Variants in NR6A1 observed in about 807,000 individuals in gnomAD.
NR6A1 encodes the protein retinoic acid receptor-related testis-associated receptor.
A neutral mutation model predicts 59.1 loss-of-function variants in NR6A1; 7 were observed. The ratio of observed to expected loss-of-function variants is 0.12; its 90% CI spans 0.07 to 0.22. The LOEUF (loss-of-function observed/expected upper bound fraction) is 0.22. Ranked by LOEUF, NR6A1 falls within the 10% of genes least tolerant of loss-of-function variation. The pLI, the probability that NR6A1 is intolerant of heterozygous loss-of-function variation, is 1.00. For synonymous variants in NR6A1, 243 were observed against 236.1 expected (o/e 1.03, Z -0.27); for missense variants, 468 against 611.6 (o/e 0.77, Z 2.48).
chr9:124,614,088 A>G (rs1835827625), intron 2 of NR6A1, among the ~76,000 whole-genome samples: 1 of 152,172 alleles, frequency 6.6e-6, no homozygotes, highest in Non-Finnish European at 1.5e-5. Context: ...GGAAGGGAGA[A>G]CCCAGGTAGA....
At chr9:124,613,618 G>A (rs1835814648) in intron 2 of NR6A1, among the ~76,000 whole-genome samples, 1 of 152,160 alleles carries the variant, frequency 6.6e-6, no homozygotes, top group Non-Finnish European at 1.5e-5. Flanking sequence ...GCGTGAGCAA[G>A]CCACTTTCAC....
At chr9:124,602,928 T>G (rs1261391615) in intron 2 of NR6A1, among the ~76,000 whole-genome samples, 1 of 152,234 alleles carries the variant, frequency 6.6e-6, no homozygotes. Flanking sequence ...TTACTTATAG[T>G]GCAAATATTA....
intron 2 of NR6A1, among the ~76,000 whole-genome samples, chr9:124,562,918 C>T (rs533495584): frequency 5.3e-5 from 8 of 152,118 alleles, no homozygotes; most frequent in Admixed American, 2.0e-4. Context: ...TTAGCAAGAA[C>T]AAAAAATAAA....
intron 2 of NR6A1, among the ~76,000 whole-genome samples, chr9:124,566,330 T>G (rs1834239247): frequency 6.6e-6 from 1 of 152,214 alleles, no homozygotes; most frequent in Admixed American, 6.5e-5. Context: ...GCGGTTGCTT[T>G]ACAGTAAGTC....
intron 2 of NR6A1, among the ~76,000 whole-genome samples, chr9:124,621,462 C>T (rs1836070914): frequency 6.8e-6 from 1 of 146,404 alleles, no homozygotes; most frequent in Non-Finnish European, 1.5e-5. Flanking sequence ...GCCTAGGAAA[C>T]ACAGTGAGAC....
intron 2 of NR6A1, among the ~76,000 whole-genome samples, chr9:124,633,688 G>A (rs577178592): frequency 1.4e-4 from 22 of 152,262 alleles, no homozygotes; most frequent in Middle Eastern, 3.4e-3. Flanking sequence ...CAAGGTCACT[G>A]CTCCATCGGG....
intron 2 of NR6A1, chr9:124,698,160 G>A (rs1327056238): frequency 6.6e-6 from 1 of 152,062 alleles, no homozygotes; most frequent in Non-Finnish European, 1.5e-5. Context: ...GATCTTCCAA[G>A]TATTTACCAA....
At chr9:124,569,822 T>A (rs941562867) in intron 2 of NR6A1, among the ~76,000 whole-genome samples, 1 of 152,056 alleles carries the variant, frequency 6.6e-6, no homozygotes, top group East Asian at 1.9e-4. Flanking sequence ...CCACCGCACA[T>A]ACTACTATAA....
At chr9:124,593,943 T>C (rs1835201198) in intron 2 of NR6A1, among the ~76,000 whole-genome samples, 1 of 152,214 alleles carries the variant, frequency 6.6e-6, no homozygotes. Flanking sequence ...CCAGATTGTA[T>C]GACTCCACAG....
intron 2 of NR6A1, among the ~76,000 whole-genome samples, chr9:124,712,012 C>T (rs1226400739): frequency 3.3e-5 from 5 of 152,198 alleles, no homozygotes; most frequent in Admixed American, 1.3e-4. Context: ...AATCTTGTTC[C>T]GAGTTTTGCA....
intron 1 of NR6A1, among the ~76,000 whole-genome samples, chr9:124,764,783 T>A (rs1840886168): frequency 6.6e-6 from 1 of 152,248 alleles, no homozygotes; most frequent in East Asian, 1.9e-4. Flanking sequence ...ACTTGGGCAG[T>A]GAGTGCAAAG....
At chr9:124,622,013 A>C (rs1363902422) in intron 2 of NR6A1, among the ~76,000 whole-genome samples, 1 of 152,152 alleles carries the variant, frequency 6.6e-6, no homozygotes, top group East Asian at 1.9e-4. Context: ...CAGGAGTTTG[A>C]AACCAGCCTG....
chr9:124,562,688 G>C (rs1834115976), intron 2 of NR6A1, among the ~76,000 whole-genome samples: 2 of 152,126 alleles, frequency 1.3e-5, no homozygotes, highest in Non-Finnish European at 2.9e-5. Context: ...TGATAAATAA[G>C]AGCAGATTCA....
At chr9:124,555,339 T>C (rs1206808335) in intron 2 of NR6A1, among the ~76,000 whole-genome samples, 3 of 152,204 alleles carry the variant, frequency 2.0e-5, no homozygotes, top group African/African-American at 7.2e-5. Context: ...AACTGTGATG[T>C]GAAGCTATGC....
rs57689255 is a variant in NR6A1, at chr9:124,585,543, C to CA, written c.143-30974dup. 1.7e-3 allele frequency among the ~76,000 whole-genome samples: 95 copies of CA among 55,560 alleles called. 1 individual carries two copies. The highest frequency in any genetic ancestry group is 0.012 in the East Asian group (20 of 1,628). The allele number at this position is 55,560 out of a possible 152,430, so 36.4% of individuals were successfully genotyped here. A position where few individuals can be genotyped will look rare whatever the true frequency, so the allele number is the denominator to read the frequency against. ...TGGGTGACACAGCGAGACTCCATCTCAAAAAAAAAAAAAAAGGGGGGGGGG... is the reference window on the plus strand; with the variant it reads ...TGGGTGACACAGCGAGACTCCATCTCAAAAAAAAAAAAAAAAGGGGGGGGGG... On this transcript the variant is annotated intron_variant, in intron 2 of 9. Coordinates refer to ENST00000487099, the MANE Select transcript of NR6A1 (RefSeq NM_033334.4).
At chr9:124,650,140 A>G (rs1837054177) in intron 2 of NR6A1, among the ~76,000 whole-genome samples, 2 of 152,210 alleles carry the variant, frequency 1.3e-5, no homozygotes, top group African/African-American at 4.8e-5. Flanking sequence ...CTGCACTCTC[A>G]TGTTTATTGC....
chr9:124,681,891 GAT>G (rs1472891666), intron 2 of NR6A1, among the ~76,000 whole-genome samples: 1 of 152,158 alleles, frequency 6.6e-6, no homozygotes, highest in Non-Finnish European at 1.5e-5. Flanking sequence ...AAAAATGCAA[GAT>G]AGACAAATGA....
chr9:124,627,192 C>T (rs183414065), intron 2 of NR6A1, among the ~76,000 whole-genome samples: 1 of 152,252 alleles, frequency 6.6e-6, no homozygotes, highest in Admixed American at 6.5e-5. Flanking sequence ...CAAAACTGAG[C>T]TCTGACAGAT....
chr9:124,629,878 C>A (rs1470150206), intron 2 of NR6A1, among the ~76,000 whole-genome samples: 1 of 152,166 alleles, frequency 6.6e-6, no homozygotes, highest in African/African-American at 2.4e-5. Context: ...TCCAGTGATA[C>A]TGATTTTTTC....
Sources: allele counts gnomAD v4.1 joint callset (sites outside exome capture counted in the v4.1 genomes callset), GRCh38; gene constraint gnomAD v4.1.1; transcripts MANE v1.5; gene names NCBI Gene and HGNC (gene_info 2026-07-23, HGNC 2026-07-21).